The following FGF12 variants were observed in gnomAD, a reference collection of about 807,000 sequenced individuals.
The protein encoded by FGF12 is fibroblast growth factor 12B.
FGF12 carries 14 observed loss-of-function variants against 23.6 expected under a neutral mutation model. That is an observed-to-expected ratio of 0.59 (90% CI 0.39 to 0.93). The LOEUF (loss-of-function observed/expected upper bound fraction) is 0.93, where lower values mean the gene tolerates loss of function less well. Among genes scored for constraint, FGF12 ranks in the 40% least tolerant of loss-of-function variants. The pLI is 0.00. For missense variants in FGF12, 175 were observed against 217.8 expected (o/e 0.80, Z 1.24); for synonymous variants, 62 against 77.3 (o/e 0.80, Z 1.04).
At chr3:192,704,461 C>A (rs1718402899) in intron 2 of FGF12, among the ~76,000 whole-genome samples, 1 of 152,152 alleles carries the variant, frequency 6.6e-6, no homozygotes, top group African/African-American at 2.4e-5. Flanking sequence ...GGCAGTAAGT[C>A]TCAATAGTGG....
intron 2 of FGF12, among the ~76,000 whole-genome samples, chr3:192,437,831 T>C (rs919744408): frequency 2.6e-5 from 4 of 152,138 alleles, no homozygotes; most frequent in Non-Finnish European, 5.9e-5. Flanking sequence ...TCACTTAAAG[T>C]CTCCAGCTTC....
intron 4 of FGF12, among the ~76,000 whole-genome samples, chr3:192,314,533 C>T (rs547401678): frequency 6.6e-6 from 1 of 152,104 alleles, no homozygotes; most frequent in Admixed American, 6.5e-5. Flanking sequence ...AAGAGAAGTC[C>T]AAGCAAATGT....
intron 4 of FGF12, among the ~76,000 whole-genome samples, chr3:192,205,565 A>C (rs1717605766): frequency 6.6e-6 from 1 of 152,190 alleles, no homozygotes; most frequent in Non-Finnish European, 1.5e-5. Flanking sequence ...GCAAGAAGAG[A>C]CTAGCATCTT....
At chr3:192,274,493 C>T (rs1713652087) in intron 4 of FGF12, among the ~76,000 whole-genome samples, 1 of 152,048 alleles carries the variant, frequency 6.6e-6, no homozygotes, top group South Asian at 2.1e-4. Flanking sequence ...CGTGGTCACA[C>T]TGATGGCTAA....
rs1008607115 is a variant in FGF12, at chr3:192,146,276, T to A, written c.428-2149A>T. ...CTAATTTTCATTAAAGTGTATATTTTTTTTTTTTTTTTGAGACGGAGTCTC... is the reference window on the plus strand; with the variant it reads ...CTAATTTTCATTAAAGTGTATATTTATTTTTTTTTTTTGAGACGGAGTCTC... On this transcript the variant is annotated intron_variant, in intron 5 of 5. Transcript: ENST00000445105. Among the ~76,000 whole-genome samples, 7 of 150,432 alleles carry A rather than the reference T, an allele frequency of 4.7e-5. No homozygotes were observed. The East Asian group carries it at 9.7e-4, about 21-fold the overall frequency.
chr3:192,397,350 A>G (rs770053775), intron 2 of FGF12, among the ~76,000 whole-genome samples: 2 of 152,206 alleles, frequency 1.3e-5, no homozygotes, highest in Non-Finnish European at 1.5e-5. Context: ...AAGAAAATAG[A>G]TCTCCAGTTT....
intron 2 of FGF12, among the ~76,000 whole-genome samples, chr3:192,415,961 G>A (rs1284653093): frequency 7.6e-6 from 1 of 132,216 alleles, no homozygotes; most frequent in African/African-American, 2.7e-5. Flanking sequence ...GCCATTCCTA[G>A]TTGCTCTCAT....
intron 5 of FGF12, among the ~76,000 whole-genome samples, chr3:192,164,520 C>T (rs1577192385): frequency 6.6e-6 from 1 of 152,226 alleles, no homozygotes; most frequent in African/African-American, 2.4e-5. Context: ...CTCAAACTGG[C>T]AGAGCTTAAT....
chr3:192,427,465 C>G (rs1428641703), intron 2 of FGF12, among the ~76,000 whole-genome samples: 2 of 151,868 alleles, frequency 1.3e-5, no homozygotes, highest in African/African-American at 4.8e-5. Context: ...CAAACATACT[C>G]TAGGTTCTCA....
At position 192,461,977 on chromosome 3, in the gene FGF12, C is replaced by T. The variant is rs531769703; in HGVS notation, c.14-101439G>A. The stretch of plus-strand genomic sequence containing the variant: ...GGCACTCCAGCCTGGGCAACAAGAG[C>T]GAAACTCTGTCACAAGAAAAAAAAA... On this transcript the variant is annotated intron_variant, in intron 2 of 5. Coordinates refer to ENST00000445105, the MANE Select transcript of FGF12 (RefSeq NM_004113.6). 5.9e-4 allele frequency among the ~76,000 whole-genome samples: 89 copies of T among 149,658 alleles called. 1 individual carries two copies. The South Asian group carries it at 0.016, about 27-fold the overall frequency.
chr3:192,704,082 G>A (rs972508234), intron 2 of FGF12, among the ~76,000 whole-genome samples: 4 of 152,112 alleles, frequency 2.6e-5, no homozygotes, highest in African/African-American at 9.7e-5. Flanking sequence ...CTACTCTTAC[G>A]AATCATAAAT....
chr3:192,186,049 C>G (rs1476040073), intron 4 of FGF12, among the ~76,000 whole-genome samples: 1 of 152,156 alleles, frequency 6.6e-6, no homozygotes. Context: ...TCAACCTCCT[C>G]TTCACATTCT....
At position 192,337,064 on chromosome 3, in the gene FGF12, C is replaced by A. The variant is rs572732405; in HGVS notation, c.125-1600G>T. Among the ~76,000 whole-genome samples the A allele has an allele frequency of 2.0e-5, 3 of 152,166 alleles. No individual in the cohort carries two copies. The South Asian group carries it at 6.2e-4, about 32-fold the overall frequency. On this transcript the variant is annotated intron_variant, in intron 3 of 5. Coordinates refer to ENST00000445105, the MANE Select transcript of FGF12 (RefSeq NM_004113.6). Reference sequence around the variant, plus strand: ...GTTTTATTTCTTGCTATATTCTTACCAGTGTCCTTGTGTTACTGAAACAAC... The same window carrying A: ...GTTTTATTTCTTGCTATATTCTTACAAGTGTCCTTGTGTTACTGAAACAAC...
chr3:192,387,575 C>T (rs765038539), intron 2 of FGF12, among the ~76,000 whole-genome samples: 7 of 151,894 alleles, frequency 4.6e-5, no homozygotes, highest in African/African-American at 1.2e-4. Flanking sequence ...AGTTTGGATG[C>T]GGTGGCTAAG....
At chr3:192,657,016 G>T (rs1367252707) in intron 2 of FGF12, among the ~76,000 whole-genome samples, 1 of 151,982 alleles carries the variant, frequency 6.6e-6, no homozygotes, top group Non-Finnish European at 1.5e-5. Flanking sequence ...AACAACAGAG[G>T]TCCCCAGTAC....
At chr3:192,358,704 C>G (rs1287220647) in intron 3 of FGF12, among the ~76,000 whole-genome samples, 2 of 152,088 alleles carry the variant, frequency 1.3e-5, no homozygotes, top group African/African-American at 4.8e-5. Context: ...TGTCTCTGCC[C>G]CATGATAAAT....
At chr3:192,299,618 A>C (rs888401006) in intron 4 of FGF12, among the ~76,000 whole-genome samples, 2 of 152,234 alleles carry the variant, frequency 1.3e-5, no homozygotes, top group Admixed American at 6.5e-5. Flanking sequence ...ACTTTGTTCT[A>C]GGCATTATGG....
chr3:192,675,769 A>G (rs574718258), intron 2 of FGF12, among the ~76,000 whole-genome samples: 1 of 152,348 alleles, frequency 6.6e-6, no homozygotes, highest in Admixed American at 6.5e-5. Flanking sequence ...ACACATTATT[A>G]AAATGTTTTC....
chr3:192,531,160 T>C (rs1320959557), intron 2 of FGF12, among the ~76,000 whole-genome samples: 1 of 152,224 alleles, frequency 6.6e-6, no homozygotes, highest in Non-Finnish European at 1.5e-5. Context: ...GACAGCAAGA[T>C]AGTTTACAGC....
Sources: gnomAD v4.1 joint callset for allele counts (sites outside exome capture counted in the v4.1 genomes callset) on GRCh38, gnomAD v4.1.1 for gene constraint, MANE v1.5 for transcripts, NCBI Gene and HGNC (gene_info 2026-07-23, HGNC 2026-07-21) for gene names.